The following CTIF variants were observed in gnomAD, a reference collection of about 807,000 sequenced individuals.
CTIF encodes CBP80/20-dependent translation initiation factor.
A neutral mutation model predicts 66.0 loss-of-function variants in CTIF; 21 were observed. The observed-to-expected ratio is 0.32, with a 90% CI of 0.23 to 0.46. The LOEUF (loss-of-function observed/expected upper bound fraction) is 0.46, where lower values mean the gene tolerates loss of function less well. Ranked by LOEUF, CTIF falls within the 20% of genes least tolerant of loss-of-function variation. The pLI, the probability that CTIF is intolerant of heterozygous loss-of-function variation, is 1.00. For missense variants in CTIF, 739 were observed against 812.7 expected (o/e 0.91, Z 1.10); for synonymous variants, 345 against 326.4 (o/e 1.06, Z -0.62).
intron 1 of CTIF, among the ~76,000 whole-genome samples, chr18:48,586,332 A>G (rs937301560): frequency 1.4e-5 from 2 of 147,372 alleles, no homozygotes; most frequent in South Asian, 2.1e-4. Context: ...GCTGGAGTGC[A>G]GTGGCTCAAT....
chr18:48,727,830 C>G (rs2092398880), intron 7 of CTIF, among the ~76,000 whole-genome samples: 1 of 152,232 alleles, frequency 6.6e-6, no homozygotes, highest in African/African-American at 2.4e-5. Context: ...TCCACCTCAT[C>G]TTTGGACTAT....
chr18:48,728,103 A>C (rs2092400987), intron 7 of CTIF, among the ~76,000 whole-genome samples: 1 of 152,202 alleles, frequency 6.6e-6, no homozygotes, highest in East Asian at 1.9e-4. Context: ...TGCTTTTCAC[A>C]TATCTGTAGG....
At chr18:48,831,177 C>G (rs1476540292) in intron 10 of CTIF, among the ~76,000 whole-genome samples, 2 of 152,242 alleles carry the variant, frequency 1.3e-5, no homozygotes, top group African/African-American at 4.8e-5. Flanking sequence ...ATCACCCCAG[C>G]AAGCAAGCCC....
intron 9 of CTIF, among the ~76,000 whole-genome samples, chr18:48,782,011 T>A (rs941304379): frequency 2.6e-5 from 4 of 151,874 alleles, no homozygotes; most frequent in Non-Finnish European, 5.9e-5. Flanking sequence ...GGCTGCTGAT[T>A]AAAGACCTGC....
At chr18:48,749,156 A>C (rs1431003378) in intron 7 of CTIF, among the ~76,000 whole-genome samples, 1 of 152,230 alleles carries the variant, frequency 6.6e-6, no homozygotes, top group Non-Finnish European at 1.5e-5. Flanking sequence ...AAAACAGGCA[A>C]GGAAAGAGTG....
intron 7 of CTIF, among the ~76,000 whole-genome samples, chr18:48,739,749 C>T (rs536647318): frequency 1.4e-4 from 21 of 152,214 alleles, no homozygotes; most frequent in Non-Finnish European, 2.4e-4. Flanking sequence ...CTCTGTCATA[C>T]GTTGTGGTTT....
intron 6 of CTIF, among the ~76,000 whole-genome samples, chr18:48,695,651 G>T (rs919145180): frequency 3.3e-5 from 5 of 152,206 alleles, no homozygotes; most frequent in African/African-American, 1.2e-4. Context: ...CAGGGCTATT[G>T]TGAGGTTTAA....
chr18:48,845,617 A>G (rs1433289177), intron 10 of CTIF, among the ~76,000 whole-genome samples: 2 of 152,028 alleles, frequency 1.3e-5, no homozygotes, highest in African/African-American at 4.8e-5. Context: ...CCTCACTCAC[A>G]CCAACGGCTT....
intron 2 of CTIF, among the ~76,000 whole-genome samples, chr18:48,625,617 A>C (rs1275804053): frequency 6.6e-6 from 1 of 152,214 alleles, no homozygotes; most frequent in Non-Finnish European, 1.5e-5. Flanking sequence ...TATCATAGCC[A>C]GTGGATATAT....
At chr18:48,708,051 C>T (rs535289758) in intron 6 of CTIF, among the ~76,000 whole-genome samples, 1 of 152,216 alleles carries the variant, frequency 6.6e-6, no homozygotes, top group Admixed American at 6.5e-5. Flanking sequence ...CTCAGAACTT[C>T]CTTCCTCTTT....
At chr18:48,668,481 C>T (rs1282250233) in intron 5 of CTIF, among the ~76,000 whole-genome samples, 1 of 152,226 alleles carries the variant, frequency 6.6e-6, no homozygotes, top group Non-Finnish European at 1.5e-5. Context: ...TCCACCTGCT[C>T]ACCTGTAGCC....
At chr18:48,660,324 G>A (rs1406380590) in intron 3 of CTIF, among the ~76,000 whole-genome samples, 1 of 152,126 alleles carries the variant, frequency 6.6e-6, no homozygotes, top group African/African-American at 2.4e-5. Flanking sequence ...TCCACCACCT[G>A]CTCCCCAGCT....
chr18:48,642,181 G>T (rs1276711368), intron 3 of CTIF, among the ~76,000 whole-genome samples: 1 of 152,182 alleles, frequency 6.6e-6, no homozygotes, highest in Admixed American at 6.5e-5. Context: ...GCGTCTGAGT[G>T]GGAGCTTCTG....
intron 2 of CTIF, among the ~76,000 whole-genome samples, chr18:48,636,097 G>C (rs1295554102): frequency 6.6e-6 from 1 of 152,224 alleles, no homozygotes; most frequent in Non-Finnish European, 1.5e-5. Context: ...GTTCTCAGGG[G>C]ATGTGAGTGG....
At chr18:48,799,102 G>A (rs539063299) in intron 9 of CTIF, among the ~76,000 whole-genome samples, 1 of 152,338 alleles carries the variant, frequency 6.6e-6, no homozygotes, top group East Asian at 1.9e-4. Context: ...GTCACGCGGA[G>A]CAGTTCAGAA....
chr18:48,647,773 A>G (rs2091074349), intron 3 of CTIF, among the ~76,000 whole-genome samples: 1 of 151,864 alleles, frequency 6.6e-6, no homozygotes, highest in Non-Finnish European at 1.5e-5. Flanking sequence ...CGCCCACCTC[A>G]TGGCTCTTAG....
chr18:48,742,489 C>T (rs960920385), intron 7 of CTIF, among the ~76,000 whole-genome samples: 4 of 152,266 alleles, frequency 2.6e-5, no homozygotes, highest in Admixed American at 1.3e-4. Context: ...GAGGCACCTT[C>T]TGCATTCGGG....
intron 10 of CTIF, among the ~76,000 whole-genome samples, chr18:48,822,015 A>G (rs544193395): frequency 2.0e-5 from 3 of 152,150 alleles, no homozygotes; most frequent in African/African-American, 4.8e-5. Context: ...GGCAACCACT[A>G]TTCGTTGCTT....
At chr18:48,828,777 G>T (rs182890764) in intron 10 of CTIF, among the ~76,000 whole-genome samples, 1 of 152,212 alleles carries the variant, frequency 6.6e-6, no homozygotes, top group African/African-American at 2.4e-5. Flanking sequence ...TGTTCTCTGC[G>T]TTCCCTGCAG....
Sources: allele counts gnomAD v4.1 joint callset (sites outside exome capture counted in the v4.1 genomes callset), GRCh38; gene constraint gnomAD v4.1.1; transcripts MANE v1.5; gene names NCBI Gene and HGNC (gene_info 2026-07-23, HGNC 2026-07-21).